Variants in UNC13C observed in about 807,000 individuals in gnomAD.
The protein encoded by UNC13C is unc-13 homolog C.
UNC13C carries 174 observed loss-of-function variants against 245.4 expected under a neutral mutation model. The ratio of observed to expected loss-of-function variants is 0.71; its 90% CI spans 0.63 to 0.80. The LOEUF (loss-of-function observed/expected upper bound fraction) is 0.80. Among genes scored for constraint, UNC13C ranks in the 30% least tolerant of loss-of-function variants. UNC13C has a pLI of 0.00. For missense variants in UNC13C, 2,829 were observed against 2,602.9 expected, an observed-to-expected ratio of 1.09 and a Z score of -1.89; for synonymous variants, 992 against 895.1, an observed-to-expected ratio of 1.11 and a Z score of -1.93.
the UNC13C span, among the ~76,000 whole-genome samples, chr15:53,953,670 A>G: frequency 6.6e-6 from 1 of 152,258 alleles, no homozygotes; most frequent in African/African-American, 2.4e-5. Flanking sequence ...TGCATGTCCA[A>G]CAGCCTTTGT....
intron 4 of UNC13C, among the ~76,000 whole-genome samples, chr15:54,223,918 C>A (rs888982284): frequency 5.9e-5 from 9 of 151,916 alleles, no homozygotes; most frequent in African/African-American, 2.2e-4. Context: ...AGGTTACTTT[C>A]TTGATTTTGT....
chr15:54,220,166 A>G (rs1020269170), intron 4 of UNC13C, among the ~76,000 whole-genome samples: 4 of 151,374 alleles, frequency 2.6e-5, no homozygotes, highest in Non-Finnish European at 4.4e-5. Context: ...CTGCGGCACT[A>G]TTCACAATAG....
At chr15:54,003,450 G>T (rs1894990741) in intron 1 of UNC13C, among the ~76,000 whole-genome samples, 1 of 152,110 alleles carries the variant, frequency 6.6e-6, no homozygotes, top group Non-Finnish European at 1.5e-5. Flanking sequence ...GCTTATTCAA[G>T]GTTCCTCAGT....
chr15:54,306,004 A>G (rs2140954893), intron 13 of UNC13C, among the ~76,000 whole-genome samples: 1 of 152,168 alleles, frequency 6.6e-6, no homozygotes, highest in South Asian at 2.1e-4. Context: ...TGGAGAATAA[A>G]TAAATAAGGG....
Position 54,302,593 on chromosome 15 carries a change from A to G in UNC13C, c.4268+2220A>G, listed in dbSNP as rs1480626453. Reference sequence around the variant, plus strand: ...TTGTGTCAGGTTTGTCAAAGATCAGATAGTTGTAGATGTGTGGCGTTATTA... The same window carrying G: ...TTGTGTCAGGTTTGTCAAAGATCAGGTAGTTGTAGATGTGTGGCGTTATTA... On this transcript the variant is annotated intron_variant, in intron 13 of 32. Coordinates refer to ENST00000260323, the MANE Select transcript of UNC13C (RefSeq NM_001080534.3). Among the ~76,000 whole-genome samples, 4 of 152,236 alleles carry G rather than the reference A, an allele frequency of 2.6e-5. No individual in the cohort carries two copies. In the East Asian group the frequency reaches 7.7e-4, roughly 29 times the overall value.
the UNC13C span, among the ~76,000 whole-genome samples, chr15:53,908,731 GACAGAATGAGAACCTTTCTC>G: frequency 2.1e-5 from 2 of 96,552 alleles, no homozygotes; most frequent in African/African-American, 7.2e-5. Flanking sequence ...CAGTCTGGGT[GACAGAATGAGAACCTTTCTC>G]CAAAAAAAAA....
At chr15:53,841,074 T>A in the UNC13C span, among the ~76,000 whole-genome samples, 1 of 152,110 alleles carries the variant, frequency 6.6e-6, no homozygotes, top group Non-Finnish European at 1.5e-5. Context: ...ACAGAAATGG[T>A]TTGCTTTCAT....
chr15:54,158,458 T>C (rs2032842336), intron 4 of UNC13C, among the ~76,000 whole-genome samples: 1 of 151,958 alleles, frequency 6.6e-6, no homozygotes, highest in Non-Finnish European at 1.5e-5. Flanking sequence ...AGCCTGGGGC[T>C]ACAGGCGCCC....
At position 54,322,070 on chromosome 15, in the gene UNC13C, A is replaced by C. The variant is rs374629412; in HGVS notation, c.4400A>C (p.Asp1467Ala). Residue 1467 changes from aspartate to alanine, a missense_variant, in exon 14 of 33, where the codon GAT becomes GCT. By Grantham distance (126) the Asp-to-Ala change is moderately radical (BLOSUM62 -2). Coordinates refer to ENST00000260323, the MANE Select transcript of UNC13C (RefSeq NM_001080534.3). ...ACAAACATACAGGTTTCTGCCTCAG[A>C]TCGATTTGCTGCTACCAACTTTGGT... is the stretch of plus-strand genomic sequence containing the variant. ...VSTNIQVSASDRFAATNFGRE... is the reference protein window; with the variant it reads ...VSTNIQVSASARFAATNFGRE... 32 of 1,583,608 alleles carry C rather than the reference A, an allele frequency of 2.0e-5. 2 individuals carry two copies. In the African/African-American group the frequency reaches 2.3e-4, roughly 11 times the overall value.
chr15:54,236,510 A>G (rs1184563036), intron 6 of UNC13C, 75 bp downstream of exon 6: 1 of 1,131,278 alleles, frequency 8.8e-7, no homozygotes, highest in East Asian at 2.4e-5. Context: ...TCATGGGGTA[A>G]AAGAGGGCAA....
At chr15:54,114,196 G>GTCTTAAGTGT (rs2030045369) in intron 2 of UNC13C, among the ~76,000 whole-genome samples, 1 of 152,126 alleles carries the variant, frequency 6.6e-6, no homozygotes. Flanking sequence ...GCAGTCTTAA[G>GTCTTAAGTGT]GACACCCTAT....
chr15:54,264,639 T>C (rs895867785), intron 9 of UNC13C, among the ~76,000 whole-genome samples: 6 of 151,698 alleles, frequency 4.0e-5, no homozygotes, highest in Admixed American at 3.9e-4. Flanking sequence ...TTTCAATATA[T>C]TCACCTGCAG....
At chr15:54,036,652 C>T (rs566924196) in intron 2 of UNC13C, among the ~76,000 whole-genome samples, 8 of 152,180 alleles carry the variant, frequency 5.3e-5, no homozygotes, top group Non-Finnish European at 1.2e-4. Context: ...TGTAGCCATT[C>T]TTCTCTGTGT....
At chr15:54,099,557 T>C (rs1285321263) in intron 2 of UNC13C, among the ~76,000 whole-genome samples, 1 of 152,144 alleles carries the variant, frequency 6.6e-6, no homozygotes, top group African/African-American at 2.4e-5. Context: ...CACATTCTGA[T>C]GAAATTTTTC....
the UNC13C span, among the ~76,000 whole-genome samples, chr15:53,962,948 C>G: frequency 6.6e-6 from 1 of 152,140 alleles, no homozygotes; most frequent in African/African-American, 2.4e-5. Flanking sequence ...ATCAAAGGTG[C>G]CAAGTTATGC....
intron 5 of UNC13C, among the ~76,000 whole-genome samples, chr15:54,235,376 C>T (rs2035665172): frequency 6.6e-6 from 1 of 152,112 alleles, no homozygotes; most frequent in Admixed American, 6.5e-5. Context: ...AAAAAGAAAT[C>T]ACACAGCATA....
chr15:54,112,738 C>T (rs2141177979), intron 2 of UNC13C, among the ~76,000 whole-genome samples: 1 of 152,298 alleles, frequency 6.6e-6, no homozygotes, highest in East Asian at 1.9e-4. Context: ...TTACTGAGGA[C>T]TTTCTTACCC....
chr15:53,949,261 C>T, the UNC13C span, among the ~76,000 whole-genome samples: 1 of 152,108 alleles, frequency 6.6e-6, no homozygotes. Flanking sequence ...GTGCCTGCTA[C>T]GTAGTAGATA....
chr15:54,380,209 T>C (rs1327933433), intron 17 of UNC13C, among the ~76,000 whole-genome samples: 2 of 151,998 alleles, frequency 1.3e-5, no homozygotes, highest in African/African-American at 4.8e-5. Context: ...GATCAACTTT[T>C]TTAGGTTCCA....
Sources: gnomAD v4.1 joint callset for allele counts (sites outside exome capture counted in the v4.1 genomes callset) on GRCh38, gnomAD v4.1.1 for gene constraint, MANE v1.5 for transcripts, NCBI Gene and HGNC (gene_info 2026-07-23, HGNC 2026-07-21) for gene names.